The following EDARADD variants were observed in gnomAD, a reference collection of about 807,000 sequenced individuals.
EDARADD encodes EDAR associated via death domain.
A neutral mutation model predicts 25.6 loss-of-function variants in EDARADD; 20 were observed. That is an observed-to-expected ratio of 0.78 (90% CI 0.55 to 1.14). EDARADD has a LOEUF of 1.14. Among genes scored for constraint, EDARADD ranks in the 50% most tolerant of loss-of-function variants. The pLI is 0.00. For synonymous variants in EDARADD, 86 were observed against 94.4 expected (o/e 0.91, Z 0.52); for missense variants, 225 against 270.1 (o/e 0.83, Z 1.17).
intron 4 of EDARADD, among the ~76,000 whole-genome samples, chr1:236,457,773 C>T (rs1320065284): frequency 6.0e-5 from 9 of 150,270 alleles, no homozygotes; most frequent in Admixed American, 3.3e-4. Context: ...GAGCCAAGAT[C>T]GCACCACTGC....
chr1:236,372,393 A>G (rs1269595284), intron 3 of EDARADD, among the ~76,000 whole-genome samples: 3 of 152,200 alleles, frequency 2.0e-5, no homozygotes, highest in Non-Finnish European at 2.9e-5. Flanking sequence ...TGGGTGTTAA[A>G]TCAGTCTTGC....
Position 236,482,709 on chromosome 1 carries a change from G to A in EDARADD, c.*60G>A. 1.2e-6 allele frequency: 2 copies of A among 1,603,134 alleles called. No homozygotes were observed. Among genetic ancestry groups the A allele is most frequent in the South Asian group, 1.1e-5 (1 of 90,756 alleles). On this transcript the variant is annotated 3_prime_UTR_variant, in exon 6 of 6. Coordinates refer to ENST00000334232, the MANE Select transcript of EDARADD (RefSeq NM_145861.4). ...GTTGAAACAACCACAGGTCAAGAAGGAATGTGAATCTGTTGTTTTATAAGA... is the reference window on the plus strand; with the variant it reads ...GTTGAAACAACCACAGGTCAAGAAGAAATGTGAATCTGTTGTTTTATAAGA...
At chr1:236,423,527 G>GA (rs1657832141) in intron 3 of EDARADD, among the ~76,000 whole-genome samples, 1 of 152,174 alleles carries the variant, frequency 6.6e-6, no homozygotes, top group Admixed American at 6.5e-5. Context: ...ACACTCATGA[G>GA]ACTGAGAAAG....
At chr1:236,476,257 GTTTTT>G (rs903856580) in intron 5 of EDARADD, among the ~76,000 whole-genome samples, 1 of 151,930 alleles carries the variant, frequency 6.6e-6, no homozygotes, top group Non-Finnish European at 1.5e-5. Context: ...ACCTTCTGAT[GTTTTT>G]TTCTTCTTGA....
At chr1:236,468,163 G>A in intron 4 of EDARADD, 68 bp from the exon 5 acceptor site, 1 of 1,497,368 alleles carries the variant, frequency 6.7e-7, no homozygotes, top group South Asian at 1.1e-5. Context: ...TAACTAAGTT[G>A]GAAGATTGAT....
At chr1:236,362,310 G>A (rs985787816) in intron 3 of EDARADD, among the ~76,000 whole-genome samples, 1 of 152,204 alleles carries the variant, frequency 6.6e-6, no homozygotes, top group Non-Finnish European at 1.5e-5. Flanking sequence ...ATGATGTTGA[G>A]CGTCTATTTG....
In EDARADD at chr1:236,482,913, C is replaced by T. The variant is rs1225669029; in HGVS notation, c.*264C>T. 3.3e-6 allele frequency: 2 copies of T among 609,380 alleles called. No individual in the cohort carries two copies. The highest frequency in any genetic ancestry group is 5.7e-6 in the Non-Finnish European group (2 of 349,308). 37.7% of individuals were successfully genotyped at this position (609,380 alleles called of 1,614,324 possible). On this transcript the variant is annotated 3_prime_UTR_variant, in exon 6 of 6. Coordinates refer to ENST00000334232, the MANE Select transcript of EDARADD (RefSeq NM_145861.4). ...CTAGTATCCTCTAAGGGCCAAAGTC[C>T]TACAATCGGAATGGATTCATGCCAC...
rs1403549622 is a variant in EDARADD at position 236,398,715 on chromosome 1, C to G, written c.61+4210C>G. Among the ~76,000 whole-genome samples the G allele has an allele frequency of 1.3e-5, 2 of 152,226 alleles. No individual in the cohort carries two copies. The highest frequency in any genetic ancestry group is 4.8e-5 in the African/African-American group (2 of 41,462). On this transcript the variant is annotated intron_variant, in intron 1 of 5. Coordinates refer to ENST00000334232, the MANE Select transcript of EDARADD (RefSeq NM_145861.4). The surrounding 1 kb of genome is among the most constrained non-coding windows in gnomAD (Gnocchi z 4.1). ...CACCCCATCCTCCACCCACCCGTTT[C>G]CTTCTACTTAACCTCCAGATTTCAG...
chr1:236,396,245 T>C (rs1322971939), intron 1 of EDARADD, among the ~76,000 whole-genome samples: 1 of 152,158 alleles, frequency 6.6e-6, no homozygotes, highest in East Asian at 1.9e-4. Context: ...TTTTAAAATA[T>C]TGTGTGTTGG....
intron 3 of EDARADD, among the ~76,000 whole-genome samples, chr1:236,415,970 G>A (rs58630798): frequency 0.042 from 6,463 of 152,270 alleles, 350 homozygotes; most frequent in African/African-American, 0.13. Context: ...AGTTCTCATG[G>A]TAGTGGATAA....
chr1:236,367,369 A>G (rs1180371447), intron 3 of EDARADD, among the ~76,000 whole-genome samples: 1 of 151,952 alleles, frequency 6.6e-6, no homozygotes, highest in African/African-American at 2.4e-5. Flanking sequence ...AGCTGGGATT[A>G]CAGGCGCCTG....
chr1:236,439,074 A>G (rs969329458), intron 4 of EDARADD, among the ~76,000 whole-genome samples: 2 of 152,234 alleles, frequency 1.3e-5, no homozygotes, highest in Non-Finnish European at 2.9e-5. Context: ...TGCCTTTTGC[A>G]GAATGTCACA....
intron 3 of EDARADD, among the ~76,000 whole-genome samples, chr1:236,363,827 C>T (rs1667082201): frequency 6.6e-6 from 1 of 152,126 alleles, no homozygotes; most frequent in South Asian, 2.1e-4. Flanking sequence ...GTTTCCTATA[C>T]AGCCTGTGGA....
At chr1:236,439,145 A>G (rs1216723309) in intron 4 of EDARADD, among the ~76,000 whole-genome samples, 1 of 152,204 alleles carries the variant, frequency 6.6e-6, no homozygotes, top group East Asian at 1.9e-4. Context: ...AGTAATATGA[A>G]TTTAAGTTTT....
intron 3 of EDARADD, among the ~76,000 whole-genome samples, chr1:236,358,965 G>C (rs958138663): frequency 4.6e-5 from 7 of 152,202 alleles, no homozygotes; most frequent in Admixed American, 2.6e-4. Flanking sequence ...AATATTGATA[G>C]TTGGGTGTTA....
chr1:236,433,500 G>A (rs527640512), intron 4 of EDARADD, among the ~76,000 whole-genome samples: 85 of 151,560 alleles, frequency 5.6e-4, no homozygotes, highest in African/African-American at 1.7e-3. Flanking sequence ...TAGTAGAGAC[G>A]GGGTTTCACC....
intron 4 of EDARADD, among the ~76,000 whole-genome samples, chr1:236,449,299 T>C (rs1431139991): frequency 2.6e-5 from 4 of 152,220 alleles, no homozygotes; most frequent in Admixed American, 6.5e-5. Context: ...TTCTGAGATA[T>C]TGGGTATCAG....
intron 3 of EDARADD, among the ~76,000 whole-genome samples, chr1:236,386,935 C>T (rs373491677): frequency 6.0e-4 from 40 of 66,774 alleles, no homozygotes; most frequent in Admixed American, 1.2e-3. Flanking sequence ...GGGTCAGCCC[C>T]CCGCCCGGCC....
At chr1:236,393,145 T>C (rs1221898119), upstream of EDARADD, among the ~76,000 whole-genome samples, 3 of 152,146 alleles carry the variant, frequency 2.0e-5, no homozygotes, top group Non-Finnish European at 2.9e-5. Context: ...ACTTGCAGAC[T>C]CAGTTTTGGT....
Sources: allele counts gnomAD v4.1 joint callset (sites outside exome capture counted in the v4.1 genomes callset), GRCh38; gene constraint gnomAD v4.1.1; non-coding constraint Gnocchi (gnomAD v3.1); transcripts MANE v1.5; gene names NCBI Gene and HGNC (gene_info 2026-07-23, HGNC 2026-07-21).